Variants in RANBP2 observed in about 807,000 individuals in gnomAD.
RANBP2 encodes the protein E3 SUMO-protein ligase RanBP2.
RANBP2 carries 57 observed loss-of-function variants against 303.6 expected under a neutral mutation model. That is an observed-to-expected ratio of 0.19 (90% CI 0.15 to 0.23). The LOEUF (loss-of-function observed/expected upper bound fraction) is 0.23. Among genes scored for constraint, RANBP2 ranks in the 10% least tolerant of loss-of-function variants. The probability of loss-of-function intolerance (pLI) is 1.00; values close to 1 mark genes in which losing one functional copy is unlikely to be tolerated. For synonymous variants in RANBP2, 1,167 were observed against 1,301.5 expected (o/e 0.90, Z 2.23); for missense variants, 3,138 against 3,780.8 (o/e 0.83, Z 4.46).
At chr2:109,012,625 C>T in the RANBP2 span, among the ~76,000 whole-genome samples, 5 of 151,966 alleles carry the variant, frequency 3.3e-5, no homozygotes, top group Non-Finnish European at 1.5e-5. Flanking sequence ...AATTTTTAAA[C>T]TTCATTCGGC....
chr2:109,056,567 A>G, the RANBP2 span, among the ~76,000 whole-genome samples: 1 of 152,298 alleles, frequency 6.6e-6, no homozygotes, highest in Non-Finnish European at 1.5e-5. Context: ...TGGCTCTTCT[A>G]CTACCTCTGC....
the RANBP2 span, among the ~76,000 whole-genome samples, chr2:109,057,921 G>C: frequency 6.6e-6 from 1 of 152,232 alleles, no homozygotes; most frequent in Non-Finnish European, 1.5e-5. Context: ...AGATGATAAC[G>C]ATCAGCTCAG....
At chr2:109,022,689 G>A in the RANBP2 span, among the ~76,000 whole-genome samples, 1 of 152,134 alleles carries the variant, frequency 6.6e-6, no homozygotes, top group African/African-American at 2.4e-5. Flanking sequence ...TAAAAGCCTA[G>A]CCTTCGTCAC....
the RANBP2 span, among the ~76,000 whole-genome samples, chr2:108,811,585 T>A: frequency 1.3e-5 from 2 of 152,128 alleles, no homozygotes; most frequent in Admixed American, 1.3e-4. Flanking sequence ...TTGGTTTTTT[T>A]ATTTTTTCAA....
chr2:109,021,857 TC>T, the RANBP2 span, among the ~76,000 whole-genome samples: 1 of 152,114 alleles, frequency 6.6e-6, no homozygotes, highest in Non-Finnish European at 1.5e-5. Context: ...GGATTGTCTT[TC>T]CTGAGAAGAG....
At chr2:109,261,797 C>G in the RANBP2 span, among the ~76,000 whole-genome samples, 1 of 152,108 alleles carries the variant, frequency 6.6e-6, no homozygotes, top group East Asian at 1.9e-4. Flanking sequence ...GGAGGTGGGT[C>G]ACCCTACTGG....
the RANBP2 span, among the ~76,000 whole-genome samples, chr2:109,362,232 C>T: frequency 0.011 from 1,622 of 152,150 alleles, 22 homozygotes; most frequent in African/African-American, 0.037. Flanking sequence ...GCTACTTTTG[C>T]GGCATCTCAC....
At chr2:109,159,462 G>T in the RANBP2 span, among the ~76,000 whole-genome samples, 1 of 152,226 alleles carries the variant, frequency 6.6e-6, no homozygotes, top group Non-Finnish European at 1.5e-5. Flanking sequence ...ATTTTAGTGG[G>T]GGAAGAATTG....
At chr2:109,245,671 C>G in the RANBP2 span, among the ~76,000 whole-genome samples, 1 of 152,148 alleles carries the variant, frequency 6.6e-6, no homozygotes, top group Non-Finnish European at 1.5e-5. Context: ...GAACTGAGAC[C>G]ATATTTGTTA....
At chr2:109,777,258 G>A in the RANBP2 span, among the ~76,000 whole-genome samples, 5 of 148,476 alleles carry the variant, frequency 3.4e-5, no homozygotes, top group Admixed American at 6.9e-5. Context: ...ACAAAAGGAT[G>A]TGTGATTTTT....
At chr2:108,819,822 A>G in the RANBP2 span, among the ~76,000 whole-genome samples, 2 of 152,196 alleles carry the variant, frequency 1.3e-5, no homozygotes, top group Non-Finnish European at 2.9e-5. Flanking sequence ...AAATCAAAGA[A>G]GAAAACAAAG....
the RANBP2 span, among the ~76,000 whole-genome samples, chr2:109,401,912 G>A: frequency 2.6e-5 from 4 of 152,222 alleles, no homozygotes; most frequent in Admixed American, 1.3e-4. Context: ...AGGGATTGAC[G>A]GGACTGGGAT....
At chr2:109,424,060 C>T in the RANBP2 span, among the ~76,000 whole-genome samples, 1 of 152,216 alleles carries the variant, frequency 6.6e-6, no homozygotes, top group Non-Finnish European at 1.5e-5. Context: ...GGTGGCAGCA[C>T]ATCCCCACCG....
At chr2:108,954,233 A>G in the RANBP2 span, among the ~76,000 whole-genome samples, 1 of 152,154 alleles carries the variant, frequency 6.6e-6, no homozygotes, top group African/African-American at 2.4e-5. Flanking sequence ...AGAACTGGAG[A>G]TCCTGTTCCG....
At chr2:108,971,437 C>T in the RANBP2 span, among the ~76,000 whole-genome samples, 1 of 152,076 alleles carries the variant, frequency 6.6e-6, no homozygotes, top group African/African-American at 2.4e-5. Flanking sequence ...CAGATTATGA[C>T]TCCAGAAGGA....
the RANBP2 span, among the ~76,000 whole-genome samples, chr2:109,623,546 C>A: frequency 6.6e-6 from 1 of 152,212 alleles, no homozygotes; most frequent in Non-Finnish European, 1.5e-5. Context: ...TGACTAAAAC[C>A]CAGAGTGACC....
chr2:109,430,705 G>A, the RANBP2 span, among the ~76,000 whole-genome samples: 1 of 152,176 alleles, frequency 6.6e-6, no homozygotes, highest in African/African-American at 2.4e-5. Context: ...ATCACACCCT[G>A]GTTTCTCTCC....
the RANBP2 span, chr2:108,897,081 C>T: frequency 6.2e-7 from 1 of 1,614,208 alleles, no homozygotes; most frequent in Non-Finnish European, 8.5e-7. Flanking sequence ...TGCCGTCTGT[C>T]ATGCCCCCAA....
chr2:108,909,149 T>C, the RANBP2 span, among the ~76,000 whole-genome samples: 3 of 152,228 alleles, frequency 2.0e-5, no homozygotes, highest in Admixed American at 1.3e-4. Flanking sequence ...TTTTTCCTAA[T>C]AGGGCCTCCA....
Sources: allele counts gnomAD v4.1 joint callset (sites outside exome capture counted in the v4.1 genomes callset), GRCh38; gene constraint gnomAD v4.1.1; transcripts MANE v1.5; gene names NCBI Gene and HGNC (gene_info 2026-07-23, HGNC 2026-07-21).